The following SGPP2 variants were observed in gnomAD, a reference collection of about 807,000 sequenced individuals.
SGPP2 encodes sphingosine 1-phosphate phosphohydrolase 2.
A neutral mutation model predicts 33.9 loss-of-function variants in SGPP2; 30 were observed. The observed-to-expected ratio is 0.89, with a 90% CI of 0.66 to 1.20. SGPP2 has a LOEUF of 1.20. Ranked by LOEUF, SGPP2 falls within the 50% of genes most tolerant of loss-of-function variation. The probability of loss-of-function intolerance (pLI) is 0.00; values close to 1 mark genes in which losing one functional copy is unlikely to be tolerated. For synonymous variants in SGPP2, 233 were observed against 225.0 expected, an observed-to-expected ratio of 1.04 and a Z score of -0.32; for missense variants, 458 against 532.1, an observed-to-expected ratio of 0.86 and a Z score of 1.37.
intron 2 of SGPP2, among the ~76,000 whole-genome samples, chr2:222,503,084 C>T (rs924076412): frequency 3.3e-5 from 5 of 152,166 alleles, no homozygotes; most frequent in African/African-American, 1.2e-4. Context: ...TAATCACCTG[C>T]TGTTGAACAT....
At chr2:222,427,199 C>T (rs986211863) in intron 1 of SGPP2, among the ~76,000 whole-genome samples, 3 of 152,108 alleles carry the variant, frequency 2.0e-5, no homozygotes, top group African/African-American at 7.2e-5. Context: ...TAGCCTGGCA[C>T]GTAGGAGGGA....
rs187274766 is a variant in SGPP2 at position 222,458,811 on chromosome 2, G to A, written c.220-15757G>A. ...TTTTCCTCACCTCACCCCCAGCCCA[G>A]CGCAAGCACTAATTGACTTTGTCTC... is the stretch of plus-strand genomic sequence containing the variant. On this transcript the variant is annotated intron_variant, in intron 1 of 4. Transcript: ENST00000321276. 5.5e-4 allele frequency among the ~76,000 whole-genome samples: 83 copies of A among 152,218 alleles called. No homozygotes were observed. In the East Asian group the frequency reaches 0.013, roughly 23 times the overall value.
At chr2:222,443,023 C>G (rs1188609821) in intron 1 of SGPP2, among the ~76,000 whole-genome samples, 1 of 152,086 alleles carries the variant, frequency 6.6e-6, no homozygotes, top group African/African-American at 2.4e-5. Context: ...CTTGTAGTGA[C>G]CTTTATAAAA....
chr2:222,517,253 AC>A (rs1698617084), intron 2 of SGPP2, among the ~76,000 whole-genome samples: 1 of 151,896 alleles, frequency 6.6e-6, no homozygotes, highest in African/African-American at 2.4e-5. Context: ...CTGTTTTCTC[AC>A]CCCCCTATCC....
At chr2:222,519,981 CA>C (rs907452194) in intron 2 of SGPP2, among the ~76,000 whole-genome samples, 2 of 152,140 alleles carry the variant, frequency 1.3e-5, no homozygotes, top group Admixed American at 1.3e-4. Context: ...AACAGATGAG[CA>C]TATGTGTCTT....
At chr2:222,531,315 C>A (rs912820090) in intron 4 of SGPP2, among the ~76,000 whole-genome samples, 1 of 152,150 alleles carries the variant, frequency 6.6e-6, no homozygotes, top group Non-Finnish European at 1.5e-5. Flanking sequence ...TGAGGTGTGC[C>A]TGTCCACATA....
In SGPP2 at chr2:222,558,916, A is replaced by G. The variant is rs1422770719; in HGVS notation, c.*18A>G. 3 of 1,591,068 alleles carry G rather than the reference A, an allele frequency of 1.9e-6. No homozygotes were observed. The highest frequency in any genetic ancestry group is 1.7e-5 in the Admixed American group (1 of 59,334). On this transcript the variant is annotated 3_prime_UTR_variant, in exon 5 of 5. Coordinates refer to ENST00000321276, the MANE Select transcript of SGPP2 (RefSeq NM_152386.4). The stretch of plus-strand genomic sequence containing the variant: ...TACCCTGAGTCTCAAACAGTTGGAA[A>G]CTAGCCCACTGGACATGAAAGCCAA...
intron 2 of SGPP2, among the ~76,000 whole-genome samples, chr2:222,486,028 A>T (rs951273920): frequency 6.6e-6 from 1 of 152,146 alleles, no homozygotes; most frequent in East Asian, 1.9e-4. Context: ...AGCCCTCTCT[A>T]GTTAGAGGGC....
At chr2:222,533,905 CA>C (rs1284713666) in intron 4 of SGPP2, among the ~76,000 whole-genome samples, 4 of 152,008 alleles carry the variant, frequency 2.6e-5, no homozygotes, top group Admixed American at 6.6e-5. Context: ...AATGCTATCC[CA>C]GGGGTGCTGA....
intron 1 of SGPP2, among the ~76,000 whole-genome samples, chr2:222,463,605 G>A (rs538626402): frequency 2.0e-5 from 3 of 152,216 alleles, no homozygotes; most frequent in South Asian, 2.1e-4. Flanking sequence ...CCTTCTCCAC[G>A]TACACATGCA....
intron 1 of SGPP2, among the ~76,000 whole-genome samples, chr2:222,454,028 T>C (rs148154415): frequency 6.6e-6 from 1 of 152,250 alleles, no homozygotes; most frequent in East Asian, 1.9e-4. Flanking sequence ...TAGAGAACAT[T>C]TGGTTTATTT....
At chr2:222,507,184 G>A (rs373958232) in intron 2 of SGPP2, among the ~76,000 whole-genome samples, 77 of 152,232 alleles carry the variant, frequency 5.1e-4, no homozygotes, top group African/African-American at 1.0e-3. Context: ...AGCTGTTAGC[G>A]CAAATGGCTT....
intron 1 of SGPP2, among the ~76,000 whole-genome samples, chr2:222,449,540 A>T (rs1697451702): frequency 6.6e-6 from 1 of 150,918 alleles, no homozygotes; most frequent in African/African-American, 2.4e-5. Context: ...TGCGATCTCA[A>T]CTCACTGCAA....
chr2:222,424,359 C>A (rs1005245111), upstream of SGPP2, among the ~76,000 whole-genome samples: 1 of 152,078 alleles, frequency 6.6e-6, no homozygotes, highest in African/African-American at 2.4e-5. Flanking sequence ...GCCCCCGTGG[C>A]CGCCCGGGGC....
At chr2:222,524,879 A>G (rs1486258158) in intron 3 of SGPP2, 65 bp from the exon 4 acceptor site, 4 of 1,261,706 alleles carry the variant, frequency 3.2e-6, no homozygotes, top group African/African-American at 1.5e-5. Flanking sequence ...ATTCCCACCT[A>G]TGACATCAAA....
chr2:222,521,659 G>T, intron 2 of SGPP2, 108 bp from the exon 3 acceptor site: 1 of 1,163,702 alleles, frequency 8.6e-7, no homozygotes, highest in South Asian at 1.5e-5. Flanking sequence ...CAGAGAGAAA[G>T]GAGCCTTCAA....
intron 1 of SGPP2, among the ~76,000 whole-genome samples, chr2:222,436,480 G>T (rs1056440721): frequency 1.3e-5 from 2 of 152,140 alleles, no homozygotes; most frequent in Non-Finnish European, 2.9e-5. Context: ...TTGTCACCTA[G>T]TTGGCATTGT....
At chr2:222,456,501 T>C (rs1451149119) in intron 1 of SGPP2, among the ~76,000 whole-genome samples, 1 of 152,238 alleles carries the variant, frequency 6.6e-6, no homozygotes, top group African/African-American at 2.4e-5. Context: ...TTCATAGTCT[T>C]ATCTGAGATC....
Position 222,558,185 on chromosome 2 carries a change from C to A in SGPP2, c.649-162C>A, listed in dbSNP as rs185649375. Among the ~76,000 whole-genome samples, 484 of 152,260 alleles carry A rather than the reference C, an allele frequency of 3.2e-3. 3 individuals carry two copies. Among genetic ancestry groups the A allele is most frequent in the Non-Finnish European group, 5.1e-3 (347 of 68,016 alleles). ...GAAGCATTTTTTCGTATTTTCACTT[C>A]AAAGTTTTAGAACTTTACACTTTCT... On this transcript the variant is annotated intron_variant, in intron 4 of 4. Coordinates refer to ENST00000321276, the MANE Select transcript of SGPP2 (RefSeq NM_152386.4).
Sources: allele counts gnomAD v4.1 joint callset (sites outside exome capture counted in the v4.1 genomes callset), GRCh38; gene constraint gnomAD v4.1.1; transcripts MANE v1.5; gene names NCBI Gene and HGNC (gene_info 2026-07-23, HGNC 2026-07-21).